The following PCDHA11 variants were observed in gnomAD, a reference collection of about 807,000 sequenced individuals.
The protein encoded by PCDHA11 is protocadherin alpha 11.
PCDHA11 carries 61 observed loss-of-function variants against 70.3 expected under a neutral mutation model. The observed-to-expected ratio is 0.87, with a 90% CI of 0.71 to 1.07. The LOEUF is 1.07. Ranked by LOEUF, PCDHA11 falls within the 50% of genes least tolerant of loss-of-function variation. PCDHA11 has a pLI of 0.00. For synonymous variants in PCDHA11, 633 were observed against 555.1 expected, an observed-to-expected ratio of 1.14 and a Z score of -1.97; for missense variants, 1,324 against 1,237.5, an observed-to-expected ratio of 1.07 and a Z score of -1.05.
Position 140,871,376 on chromosome 5 carries a change from G to A in PCDHA11, c.2273G>A (p.Cys758Tyr). The A allele has an allele frequency of 1.2e-6, 2 of 1,614,196 alleles. No individual in the cohort carries two copies. Among genetic ancestry groups the A allele is most frequent in the Non-Finnish European group, 1.7e-6 (2 of 1,180,018 alleles). The change falls in exon 1 of 4, where the codon TGC (cysteine) becomes TAC (tyrosine). Residue 758 changes from cysteine (C) to tyrosine (Y), a missense_variant. Transcript: ENST00000398640. ...SYSQQRRQRVCSEEGPPKTDL... is the reference protein window; with the variant it reads ...SYSQQRRQRVYSEEGPPKTDL... ...TCGCAGCAGAGGCGGCAGAGGGTGT[G>A]CTCTGAGGAGGGCCCACCTAAGACG...
At chr5:140,931,539 T>C (rs1339633476) in intron 1 of PCDHA11, among the ~76,000 whole-genome samples, 1 of 152,056 alleles carries the variant, frequency 6.6e-6, no homozygotes, top group Non-Finnish European at 1.5e-5. Context: ...AGAGATATAC[T>C]GTTCATATGT....
intron 1 of PCDHA11, chr5:140,967,826 G>A (rs782046643): frequency 1.2e-6 from 2 of 1,614,168 alleles, no homozygotes; most frequent in East Asian, 4.5e-5. Context: ...GGTGCTGGTG[G>A]ACATCGTGGA....
chr5:140,995,388 A>G (rs1467282798), intron 3 of PCDHA11, among the ~76,000 whole-genome samples: 1 of 152,208 alleles, frequency 6.6e-6, no homozygotes. Flanking sequence ...GGCAGGATAA[A>G]GCGGGATGGC....
chr5:140,982,917 C>T (rs2097016226), intron 3 of PCDHA11, among the ~76,000 whole-genome samples: 1 of 151,626 alleles, frequency 6.6e-6, no homozygotes, highest in Non-Finnish European at 1.5e-5. Context: ...ACAGAGATGA[C>T]ACTGTTAACA....
rs782196824 is a variant in PCDHA11 at position 140,871,068 on chromosome 5, G to GC, written c.1967dup (p.Ala657GlyfsTer72). Reference sequence around the variant, plus strand: ...TAGTACTGGTGAAGGATCACGGTGAGCCGGCGCTGACGGCCACGGCCACCG... The same window carrying GC: ...TAGTACTGGTGAAGGATCACGGTGAGCCCGGCGCTGACGGCCACGGCCACCG... On this transcript the variant is annotated frameshift_variant, in exon 1 of 4. Coordinates refer to ENST00000398640, the MANE Select transcript of PCDHA11 (RefSeq NM_018902.5). LOFTEE classifies it high-confidence loss of function. The GC allele has an allele frequency of 1.2e-6, 2 of 1,613,112 alleles. No homozygotes were observed. Among genetic ancestry groups the GC allele is most frequent in the African/African-American group, 2.7e-5 (2 of 74,924 alleles).
In PCDHA11 at chr5:141,010,504, A is replaced by C; in HGVS notation, c.*567A>C. On this transcript the variant is annotated 3_prime_UTR_variant, in exon 4 of 4. Transcript: ENST00000398640. ...AACTTAAAGGGACCAGACTTTCTAA[A>C]TCTTACAACTCAAGAGGTGGCAGCC... is the stretch of plus-strand genomic sequence containing the variant. 1.8e-6 allele frequency: 1 copy of C among 549,734 alleles called. No homozygotes were observed. Among genetic ancestry groups the C allele is most frequent in the Non-Finnish European group, 2.9e-6 (1 of 344,512 alleles). The allele number at this position is 549,734 out of a possible 1,614,324, so 34.1% of individuals were successfully genotyped here.
rs150390468 is a variant in PCDHA11 at position 140,876,777 on chromosome 5, G to A, written c.2391+5283G>A. The A allele has an allele frequency of 2.3e-3, 3,781 of 1,614,244 alleles. 8 individuals carry two copies. Among genetic ancestry groups the A allele is most frequent in the Non-Finnish European group, 3.0e-3 (3,507 of 1,180,036 alleles). On this transcript the variant is annotated intron_variant, in intron 1 of 3. Coordinates refer to ENST00000398640, the MANE Select transcript of PCDHA11 (RefSeq NM_018902.5). ...CGCGGGATGGGGGCTCGCCTTCGCT[G>A]TGGGCCACGGCTAGAGTGTCCGTGG...
intron 1 of PCDHA11, among the ~76,000 whole-genome samples, chr5:140,889,031 A>C (rs1234867332): frequency 6.6e-6 from 1 of 152,012 alleles, no homozygotes; most frequent in African/African-American, 2.4e-5. Flanking sequence ...GGATAACCGT[A>C]ATTTGATTAT....
intron 3 of PCDHA11, among the ~76,000 whole-genome samples, chr5:140,999,867 C>A (rs1269782566): frequency 1.3e-5 from 2 of 152,190 alleles, no homozygotes; most frequent in African/African-American, 4.8e-5. Context: ...TCCAAGATTA[C>A]TGAAAATTAG....
At chr5:140,877,928 TTC>T in intron 1 of PCDHA11, 1 of 1,415,260 alleles carries the variant, frequency 7.1e-7, no homozygotes, top group Non-Finnish European at 9.3e-7. Context: ...TTCTTTATGA[TTC>T]TATCCTTTAA....
chr5:140,904,150 C>T (rs1005130566), intron 1 of PCDHA11, among the ~76,000 whole-genome samples: 1 of 152,036 alleles, frequency 6.6e-6, no homozygotes, highest in Non-Finnish European at 1.5e-5. Context: ...GTATACATTG[C>T]ACCCAGTTTG....
At chr5:140,915,646 C>A (rs2077236708) in intron 1 of PCDHA11, among the ~76,000 whole-genome samples, 1 of 151,916 alleles carries the variant, frequency 6.6e-6, no homozygotes, top group Non-Finnish European at 1.5e-5. Flanking sequence ...CTCTCTCTCT[C>A]TCTCTCTCTC....
chr5:140,989,889 C>T (rs1220430844), intron 3 of PCDHA11, among the ~76,000 whole-genome samples: 3 of 151,522 alleles, frequency 2.0e-5, no homozygotes, highest in Admixed American at 6.6e-5. Flanking sequence ...TTGGAGTCTC[C>T]GTTATTCACA....
At chr5:140,942,445 A>G (rs1323056710) in intron 1 of PCDHA11, among the ~76,000 whole-genome samples, 5 of 152,016 alleles carry the variant, frequency 3.3e-5, no homozygotes, top group Non-Finnish European at 7.4e-5. Context: ...AAACAAGTAA[A>G]CTATCAATTA....
intron 1 of PCDHA11, chr5:140,876,150 C>A (rs782752906): frequency 5.0e-6 from 8 of 1,613,798 alleles, no homozygotes; most frequent in Non-Finnish European, 2.5e-6. Context: ...CAGGGTCTGT[C>A]CAGATTCAAA....
chr5:140,950,944 T>C (rs2094535037), intron 1 of PCDHA11, among the ~76,000 whole-genome samples: 1 of 152,090 alleles, frequency 6.6e-6, no homozygotes, highest in Admixed American at 6.5e-5. Flanking sequence ...TCAGATTGGA[T>C]CATTTCTATT....
chr5:140,903,271 A>T (rs193242810), intron 1 of PCDHA11, among the ~76,000 whole-genome samples: 58 of 152,326 alleles, frequency 3.8e-4, no homozygotes, highest in African/African-American at 1.3e-3. Flanking sequence ...GGAGTGAGGT[A>T]GTGTCTCATT....
intron 3 of PCDHA11, among the ~76,000 whole-genome samples, chr5:140,991,361 G>C (rs1183124741): frequency 6.6e-6 from 1 of 152,200 alleles, no homozygotes; most frequent in Non-Finnish European, 1.5e-5. Context: ...ACTATTTACT[G>C]TCTGAGTTCT....
At chr5:140,980,858 A>T (rs2096908934) in intron 2 of PCDHA11, among the ~76,000 whole-genome samples, 2 of 152,162 alleles carry the variant, frequency 1.3e-5, no homozygotes, top group Admixed American at 1.3e-4. Flanking sequence ...TCTTTTTCGT[A>T]TGTGTGCTTG....
Sources: gnomAD v4.1 joint callset for allele counts (sites outside exome capture counted in the v4.1 genomes callset) on GRCh38, gnomAD v4.1.1 for gene constraint, MANE v1.5 for transcripts, NCBI Gene and HGNC (gene_info 2026-07-23, HGNC 2026-07-21) for gene names.